Variants in VPS53 observed in about 807,000 individuals in gnomAD.
VPS53 encodes the protein vacuolar protein sorting-associated protein 53 homolog.
In VPS53, 70 loss-of-function variants were observed where a neutral mutation model predicts 107.0. The ratio of observed to expected loss-of-function variants is 0.65; its 90% confidence interval spans 0.54 to 0.80. The LOEUF is 0.80. Ranked by LOEUF, VPS53 falls within the 30% of genes least tolerant of loss-of-function variation. VPS53 has a pLI of 0.00. For missense variants in VPS53, 917 were observed against 1,049.4 expected (o/e 0.87, Z 1.74); for synonymous variants, 409 against 393.3 (o/e 1.04, Z -0.47).
intron 12 of VPS53, among the ~76,000 whole-genome samples, chr17:597,863 C>A (rs910601945): frequency 3.3e-5 from 5 of 152,058 alleles, no homozygotes. Context: ...AGCCACCATT[C>A]CCGGCCATTT....
chr17:525,042 T>C (rs931335107), intron 19 of VPS53, among the ~76,000 whole-genome samples: 8 of 152,138 alleles, frequency 5.3e-5, no homozygotes, highest in Admixed American at 5.2e-4. Flanking sequence ...CCATTGACAG[T>C]GGAATGAATA....
chr17:592,458 G>A (rs1349663644), intron 12 of VPS53, among the ~76,000 whole-genome samples: 4 of 152,086 alleles, frequency 2.6e-5, no homozygotes, highest in Non-Finnish European at 4.4e-5. Flanking sequence ...GATTTTGCTC[G>A]TTAGTTGATG....
At chr17:525,184 G>T (rs949861177) in intron 19 of VPS53, among the ~76,000 whole-genome samples, 4 of 152,166 alleles carry the variant, frequency 2.6e-5, no homozygotes, top group African/African-American at 9.7e-5. Flanking sequence ...GTGGGGAAAT[G>T]ATATGTCTAA....
chr17:623,364 A>G (rs1969552344), intron 11 of VPS53, among the ~76,000 whole-genome samples, 169 bp downstream of exon 11: 1 of 152,164 alleles, frequency 6.6e-6, no homozygotes, highest in Admixed American at 6.5e-5. Flanking sequence ...CAAACAATAA[A>G]TCCACACAGA....
intron 7 of VPS53, among the ~76,000 whole-genome samples, chr17:651,052 C>T (rs894105226): frequency 6.6e-6 from 1 of 152,006 alleles, no homozygotes; most frequent in African/African-American, 2.4e-5. Flanking sequence ...CACACAAATC[C>T]GGAGAGATAG....
intron 7 of VPS53, among the ~76,000 whole-genome samples, chr17:644,363 G>A (rs565860620): frequency 3.3e-5 from 5 of 152,272 alleles, no homozygotes; most frequent in Admixed American, 1.3e-4. Flanking sequence ...GTGGTAACCC[G>A]CCTGCCATCT....
intron 2 of VPS53, among the ~76,000 whole-genome samples, chr17:704,723 C>A (rs1399476977): frequency 2.6e-5 from 4 of 152,124 alleles, no homozygotes; most frequent in Non-Finnish European, 5.9e-5. Flanking sequence ...AGACACAGAA[C>A]TGAATCTGTG....
At chr17:619,695 C>T (rs1365425817) in intron 11 of VPS53, among the ~76,000 whole-genome samples, 2 of 92,424 alleles carry the variant, frequency 2.2e-5, no homozygotes, top group African/African-American at 7.8e-5. Context: ...TAATATTTCC[C>T]GGGTAGCTGG....
chr17:526,780 A>C (rs1331271587), intron 19 of VPS53, among the ~76,000 whole-genome samples: 4 of 152,190 alleles, frequency 2.6e-5, no homozygotes, highest in African/African-American at 9.7e-5. Flanking sequence ...CCAGCAATGG[A>C]AATCTTTGAG....
At chr17:608,024 G>A (rs1044310077) in intron 11 of VPS53, among the ~76,000 whole-genome samples, 1 of 152,144 alleles carries the variant, frequency 6.6e-6, no homozygotes, top group African/African-American at 2.4e-5. Flanking sequence ...GAAAGCTTTC[G>A]CTTGTGAGAT....
chr17:512,361 C>T lies in VPS53; in HGVS notation c.*6767G>A, dbSNP rs1907999363. On this transcript the variant is annotated 3_prime_UTR_variant, in exon 22 of 22. Coordinates refer to ENST00000437048, the MANE Select transcript of VPS53 (RefSeq NM_001128159.3). Reference sequence around the variant, plus strand: ...TATTGAAAATGGATGCTCAGGGGATCAGTGACTCGCCTGGTGTCAAAGTGC... The same window carrying T: ...TATTGAAAATGGATGCTCAGGGGATTAGTGACTCGCCTGGTGTCAAAGTGC... 2 of 152,234 alleles carry T rather than the reference C, an allele frequency of 1.3e-5. No homozygotes were observed. Among genetic ancestry groups the T allele is most frequent in the South Asian group, 4.1e-4 (2 of 4,828 alleles). 9.4% of individuals were successfully genotyped at this position (152,234 alleles called of 1,614,324 possible).
chr17:665,769 C>T (rs191092289), intron 4 of VPS53, among the ~76,000 whole-genome samples: 37 of 152,322 alleles, frequency 2.4e-4, no homozygotes, highest in Admixed American at 5.2e-4. Flanking sequence ...CTTTGGGAGC[C>T]TGAGGCGGGC....
chr17:536,439 GAATTTT>G (rs1217916309), intron 18 of VPS53: 1 of 152,168 alleles, frequency 6.6e-6, no homozygotes, highest in Non-Finnish European at 1.5e-5. Context: ...CCCTGAAAAA[GAATTTT>G]AATTATCCAA....
chr17:660,924 G>A (rs977234876), intron 5 of VPS53, among the ~76,000 whole-genome samples: 3 of 152,108 alleles, frequency 2.0e-5, no homozygotes, highest in South Asian at 2.1e-4. Flanking sequence ...ACTTCCCAGC[G>A]CCTCCCATGG....
Position 521,648 on chromosome 17 carries a change from T to A in VPS53, c.2176A>T (p.Thr726Ser), listed in dbSNP as rs1434112863. 2 of 1,551,426 alleles carry A rather than the reference T, an allele frequency of 1.3e-6. No homozygotes were observed. Among genetic ancestry groups the A allele is most frequent in the African/African-American group, 2.7e-5 (2 of 73,022 alleles). Residue 726 changes from threonine (T) to serine (S), a missense_variant, in exon 20 of 22, where the codon ACC (threonine) becomes TCC (serine). By Grantham distance (58) the Thr-to-Ser change is moderately conservative. Transcript: ENST00000437048. ...QVVRKAPASY[T>S]KIVVKGMTRA... The stretch of plus-strand genomic sequence containing the variant: ...GTCATGCCTTTGACAACGATCTTGG[T>A]GTAGCTGGCGGGTGCCTTCCTCACC...
At chr17:669,457 C>T (rs1395301875) in intron 4 of VPS53, among the ~76,000 whole-genome samples, 1 of 151,914 alleles carries the variant, frequency 6.6e-6, no homozygotes, top group Non-Finnish European at 1.5e-5. Flanking sequence ...GCTGTGTGTG[C>T]TAGTACATGC....
At chr17:564,380 CA>C (rs1025416474) in intron 13 of VPS53, among the ~76,000 whole-genome samples, 12 of 148,210 alleles carry the variant, frequency 8.1e-5, no homozygotes, top group Admixed American at 6.7e-5. Context: ...ACTAAAAATA[CA>C]AAAAAAAAAT....
At chr17:576,174 T>C (rs1028685262) in intron 13 of VPS53, among the ~76,000 whole-genome samples, 4 of 148,132 alleles carry the variant, frequency 2.7e-5, no homozygotes, top group Non-Finnish European at 4.5e-5. Context: ...GAACCTAATG[T>C]GTTCACAGAG....
intron 1 of VPS53, among the ~76,000 whole-genome samples, chr17:713,902 G>A (rs1188935243): frequency 1.3e-5 from 2 of 150,712 alleles, no homozygotes; most frequent in Non-Finnish European, 3.0e-5. Flanking sequence ...AAAATTAGCC[G>A]GGTGTGGTGG....
Sources: gnomAD v4.1 joint callset for allele counts (sites outside exome capture counted in the v4.1 genomes callset) on GRCh38, gnomAD v4.1.1 for gene constraint, MANE v1.5 for transcripts, NCBI Gene and HGNC (gene_info 2026-07-23, HGNC 2026-07-21) for gene names.